Variants in DGKD observed in about 807,000 individuals in gnomAD.
DGKD encodes DAG kinase delta.
A neutral mutation model predicts 154.4 loss-of-function variants in DGKD; 68 were observed. The observed-to-expected ratio is 0.44, with a 90% CI of 0.36 to 0.54. DGKD has a LOEUF of 0.54. DGKD is among the 20% of genes least tolerant of loss of function. The pLI is 0.00. For missense variants in DGKD, 1,343 were observed against 1,593.6 expected, an observed-to-expected ratio of 0.84 and a Z score of 2.68; for synonymous variants, 693 against 638.0, an observed-to-expected ratio of 1.09 and a Z score of -1.30.
intron 10 of DGKD, among the ~76,000 whole-genome samples, chr2:233,443,543 C>A (rs1436707310): frequency 6.6e-6 from 1 of 152,118 alleles, no homozygotes; most frequent in African/African-American, 2.4e-5. Context: ...AGATTTGCAT[C>A]TGTATTTTCT....
intron 12 of DGKD, 95 bp from the exon 13 acceptor site, chr2:233,447,992 G>T (rs538029887): frequency 1.9e-6 from 3 of 1,579,476 alleles, no homozygotes; most frequent in Admixed American, 3.4e-5. Flanking sequence ...TTCCCAGCTT[G>T]TGCTGGCAAG....
At chr2:233,369,059 G>C (rs955738711) in intron 1 of DGKD, among the ~76,000 whole-genome samples, 1 of 152,224 alleles carries the variant, frequency 6.6e-6, no homozygotes, top group Non-Finnish European at 1.5e-5. Flanking sequence ...GTTTAGGGTT[G>C]TCTCAGCCTC....
In DGKD at chr2:233,437,384, C is replaced by A. The variant is rs1198852096; in HGVS notation, c.827C>A (p.Thr276Lys). The A allele has an allele frequency of 6.2e-7, 1 of 1,614,044 alleles. No homozygotes were observed. The highest frequency in any genetic ancestry group is 1.3e-5 in the African/African-American group (1 of 74,926). ...CGGGGACTCTTGTTTCAGGTTCACA[C>A]ATCGTGTAAAGAATCCTTGCTGACC... ...RCLWCKAMVH[T>K]SCKESLLTKC... is the part of the protein sequence containing the mutation. The change falls in exon 8 of 30, where the codon ACA becomes AAA. Residue 276 changes from threonine to lysine, a missense_variant. Thr to Lys is a moderately conservative substitution (Grantham distance 78). This residue lies in a region of DGKD where 332 missense variants were observed against 400.1 expected (regional missense o/e 0.83). Transcript: ENST00000264057.
At chr2:233,434,585 G>A in intron 4 of DGKD, 101 bp downstream of exon 4, 1 of 1,426,494 alleles carries the variant, frequency 7.0e-7, no homozygotes, top group Non-Finnish European at 9.8e-7. Flanking sequence ...ACAGTCTGGA[G>A]CTCACGTTCT....
intron 24 of DGKD, 45 bp downstream of exon 24, chr2:233,460,390 T>A: frequency 6.2e-7 from 1 of 1,605,004 alleles, no homozygotes; most frequent in Non-Finnish European, 8.5e-7. Context: ...TCCCCCAGGG[T>A]CCCTGGGACT....
At chr2:233,434,664 C>CCTCCT (rs2062631308) in intron 4 of DGKD, 105 bp from the exon 5 acceptor site, 2 of 1,534,002 alleles carry the variant, frequency 1.3e-6, no homozygotes, top group Non-Finnish European at 1.8e-6. Context: ...TATAAACCTT[C>CCTCCT]CTCCTCTCCT....
At chr2:233,396,059 G>T (rs535145226) in intron 3 of DGKD, among the ~76,000 whole-genome samples, 1 of 152,306 alleles carries the variant, frequency 6.6e-6, no homozygotes, top group East Asian at 1.9e-4. Context: ...TTCCAGAAAG[G>T]AATCAAATAC....
At chr2:233,413,195 C>A (rs2061870585) in intron 3 of DGKD, among the ~76,000 whole-genome samples, 1 of 152,134 alleles carries the variant, frequency 6.6e-6, no homozygotes. Flanking sequence ...GCTAGGAGTT[C>A]AAGACTGGCC....
In DGKD at chr2:233,424,398, C is replaced by T. The variant is rs76422233; in HGVS notation, c.349-9982C>T. Among the ~76,000 whole-genome samples, 18 of 152,310 alleles carry T rather than the reference C, an allele frequency of 1.2e-4. No individual in the cohort carries two copies. In the South Asian group the frequency reaches 1.2e-3, roughly 11 times the overall value. ...TATCCTCCAGATCTTATTTCTCCAC[C>T]TTCTATTTTGAACTCTTGGGAAACC... On this transcript the variant is annotated intron_variant, in intron 3 of 29. Coordinates refer to ENST00000264057, the MANE Select transcript of DGKD (RefSeq NM_152879.3).
At position 233,458,760 on chromosome 2, in the gene DGKD, C is replaced by T. The variant is rs1575164497; in HGVS notation, c.2694+363C>T. The stretch of plus-strand genomic sequence containing the variant: ...CCGAGTAGCTGGGACTACAAGTGCC[C>T]ACCACCATTCCCAGCTAATTTTTGT... On this transcript the variant is annotated intron_variant, in intron 22 of 29. Coordinates refer to ENST00000264057, the MANE Select transcript of DGKD (RefSeq NM_152879.3). This position sits in a 1 kb window ranked among gnomAD's most constrained non-coding sequence, Gnocchi z 6.6. Among the ~76,000 whole-genome samples the T allele has an allele frequency of 6.6e-6, 1 of 152,014 alleles. No individual in the cohort carries two copies. Among genetic ancestry groups the T allele is most frequent in the East Asian group, 1.9e-4 (1 of 5,186 alleles).
intron 3 of DGKD, among the ~76,000 whole-genome samples, chr2:233,407,748 C>G (rs1037232812): frequency 9.2e-5 from 14 of 152,202 alleles, no homozygotes; most frequent in African/African-American, 3.1e-4. Flanking sequence ...GCCTGGGCAA[C>G]AGAGAGAGAT....
At position 233,456,990 on chromosome 2, in the gene DGKD, C is replaced by A. The variant is rs1443045020; in HGVS notation, c.2467C>A (p.Leu823Met). ...CAAGAACCTGGAGCAAAAGGTCTTG[C>A]TGGAGGTGAGTGGGAGGGTCCTTGT... ...TYKNLEQKVL[L>M]ECDGRPIPLP... Residue 823 changes from leucine (L) to methionine (M), a missense_variant, in exon 20 of 30, where the codon CTG becomes ATG. Leu to Met is a conservative substitution (Grantham distance 15). Coordinates refer to ENST00000264057, the MANE Select transcript of DGKD (RefSeq NM_152879.3). 3 of 1,613,724 alleles carry A rather than the reference C, an allele frequency of 1.9e-6. No homozygotes were observed. In the African/African-American group the frequency reaches 4.0e-5, roughly 22 times the overall value.
intron 24 of DGKD, among the ~76,000 whole-genome samples, chr2:233,461,092 C>G (rs1412945374): frequency 1.3e-5 from 2 of 152,188 alleles, no homozygotes; most frequent in African/African-American, 4.8e-5. Flanking sequence ...CCTGGAGCCA[C>G]TGTGTCCCTC....
intron 3 of DGKD, among the ~76,000 whole-genome samples, chr2:233,417,100 A>C (rs1342698293): frequency 6.6e-6 from 1 of 152,080 alleles, no homozygotes; most frequent in East Asian, 1.9e-4. Context: ...TTGTGCGATC[A>C]CAGCTCATTG....
At chr2:233,453,849 G>A (rs1030986836) in intron 18 of DGKD, among the ~76,000 whole-genome samples, 5 of 151,726 alleles carry the variant, frequency 3.3e-5, no homozygotes, top group East Asian at 1.9e-4. Flanking sequence ...GTCTCTTCTC[G>A]TCTGTCGCAC....
intron 19 of DGKD, among the ~76,000 whole-genome samples, chr2:233,456,590 A>G (rs181849427): frequency 6.6e-6 from 1 of 152,320 alleles, no homozygotes; most frequent in Admixed American, 6.5e-5. Context: ...TTAGCCAGAA[A>G]AAATCAGGAT....
At chr2:233,356,231 G>A (rs1701529276) in intron 1 of DGKD, among the ~76,000 whole-genome samples, 1 of 152,236 alleles carries the variant, frequency 6.6e-6, no homozygotes, top group East Asian at 1.9e-4. Context: ...GCACAACTGC[G>A]AAATGATCAG....
chr2:233,405,133 A>G (rs956411552), intron 3 of DGKD, among the ~76,000 whole-genome samples: 3 of 152,230 alleles, frequency 2.0e-5, no homozygotes, highest in Admixed American at 6.5e-5. Context: ...AATTTAAGAT[A>G]TGTATGTTGT....
rs2063031505 is a variant in DGKD, at chr2:233,445,373, T to A, written c.1195-250T>A. 6.6e-6 allele frequency among the ~76,000 whole-genome samples: 1 copy of A among 152,128 alleles called. No individual in the cohort carries two copies. The highest frequency in any genetic ancestry group is 2.1e-4 in the South Asian group (1 of 4,820). On this transcript the variant is annotated intron_variant, in intron 10 of 29. Transcript: ENST00000264057. The surrounding 1 kb of genome is among the most constrained non-coding windows in gnomAD (Gnocchi z 5.5). ...TGATGACAGCTGAGAGATGGACCTG[T>A]GGCTCATCCATTTCTCCCAGAAGCA...
Sources: gnomAD v4.1 joint callset for allele counts (sites outside exome capture counted in the v4.1 genomes callset) on GRCh38, gnomAD v4.1.1 for gene constraint, gnomAD v4.1.1 regional missense constraint, Gnocchi (gnomAD v3.1) non-coding constraint, MANE v1.5 for transcripts, NCBI Gene and HGNC (gene_info 2026-07-23, HGNC 2026-07-21) for gene names.